The following MCMBP variants were observed in gnomAD, a reference collection of about 807,000 sequenced individuals.
MCMBP encodes the protein mini-chromosome maintenance complex-binding protein.
Under a neutral mutation model 81.3 loss-of-function variants are expected in MCMBP, and 31 were observed. The observed-to-expected ratio is 0.38, with a 90% CI of 0.29 to 0.51. MCMBP has a LOEUF of 0.51. MCMBP is among the 20% of genes least tolerant of loss of function. The pLI is 0.87. For missense variants in MCMBP, 645 were observed against 772.1 expected, an observed-to-expected ratio of 0.84 and a Z score of 1.95; for synonymous variants, 267 against 275.9, an observed-to-expected ratio of 0.97 and a Z score of 0.32.
At chr10:119,867,258 C>A (rs1478942956) in intron 1 of MCMBP, among the ~76,000 whole-genome samples, 1 of 140,006 alleles carries the variant, frequency 7.1e-6, no homozygotes, top group African/African-American at 2.7e-5. Context: ...GCACCACTGC[C>A]CTCCAGCCTG....
chr10:119,847,828 T>G, intron 7 of MCMBP, 115 bp from the exon 8 acceptor site: 1 of 510,234 alleles, frequency 2.0e-6, no homozygotes. Context: ...TTAAAGCAAG[T>G]CCTTTATTTT....
At position 119,842,857 on chromosome 10, in the gene MCMBP, A is replaced by C. The variant is rs533556383; in HGVS notation, c.1001-262T>G. 8.9e-4 allele frequency: 342 copies of C among 383,188 alleles called. 5 individuals are homozygous for C. The highest frequency in any genetic ancestry group is 7.7e-3 in the South Asian group (325 of 42,026). The allele number at this position is 383,188 out of a possible 1,614,324, so 23.7% of individuals were successfully genotyped here. ...TCAGCTCACCGCAACCTCTGCCTCC[A>C]GTTCTCCTGCCTCAGCCTCCCGAGT... On this transcript the variant is annotated intron_variant, in intron 9 of 15. Transcript: ENST00000369077.
chr10:119,834,116 C>A (rs1004402320), intron 14 of MCMBP, among the ~76,000 whole-genome samples: 4 of 152,116 alleles, frequency 2.6e-5, no homozygotes, highest in African/African-American at 4.8e-5. Flanking sequence ...AATGCAACAT[C>A]AGATACACAG....
upstream of MCMBP, chr10:119,872,936 C>T (rs1402683284): frequency 6.6e-6 from 1 of 150,718 alleles, no homozygotes; most frequent in Non-Finnish European, 1.5e-5. Flanking sequence ...CAGCGCGGCT[C>T]TGCGCGGCGA....
At chr10:119,850,684 G>C (rs941204217) in intron 6 of MCMBP, among the ~76,000 whole-genome samples, 3 of 147,314 alleles carry the variant, frequency 2.0e-5, no homozygotes, top group African/African-American at 7.5e-5. Flanking sequence ...AGGAGGCGGA[G>C]CTTGCAGTGA....
chr10:119,872,457 GCGGGGCCCTGCCC>G, intron 1 of MCMBP, 57 bp downstream of exon 1: 2 of 963,422 alleles, frequency 2.1e-6, no homozygotes, highest in African/African-American at 3.5e-5. Flanking sequence ...GGGCCGCGCG[GCGGGGCCCTGCCC>G]CGGGGCCCGG....
intron 1 of MCMBP, among the ~76,000 whole-genome samples, chr10:119,868,704 T>G (rs570403566): frequency 2.8e-4 from 43 of 152,268 alleles, no homozygotes; most frequent in African/African-American, 1.0e-3. Flanking sequence ...ACATATATAA[T>G]AGGATCCTGC....
In MCMBP at chr10:119,829,902, C is replaced by T. The variant is rs1851936236; in HGVS notation, c.*1572G>A. 1 of 152,344 alleles carries T rather than the reference C, an allele frequency of 6.6e-6. No homozygotes were observed. Among genetic ancestry groups the T allele is most frequent in the Non-Finnish European group, 1.5e-5 (1 of 68,008 alleles). 9.4% of individuals were successfully genotyped at this position (152,344 alleles called of 1,614,324 possible). A position where few individuals can be genotyped will look rare whatever the true frequency, so the allele number is the denominator to read the frequency against. On this transcript the variant is annotated 3_prime_UTR_variant, in exon 16 of 16. Transcript: ENST00000369077. ...TGGTAAATTACAATTTACATTGGCA[C>T]AAAAAACACATGGTGACTAATGTAC...
rs1469017790 is a variant in MCMBP, at chr10:119,859,809, G to C, written c.134C>G (p.Ala45Gly). The C allele has an allele frequency of 6.2e-7, 1 of 1,611,556 alleles. No homozygotes were observed. The highest frequency in any genetic ancestry group is 8.5e-7 in the Non-Finnish European group (1 of 1,178,078). Residue 45 changes from alanine (A) to glycine (G), a missense_variant, in exon 2 of 16, where the codon GCT (alanine) becomes GGT (glycine). Physicochemically the swap from Ala to Gly is moderately conservative, Grantham distance 60. Coordinates refer to ENST00000369077, the MANE Select transcript of MCMBP (RefSeq NM_001256378.2). Reference protein sequence around the residue: ...YFKEKLKENNAPKWVPSLNEV... With the variant: ...YFKEKLKENNGPKWVPSLNEV... ...TAGCAATAAGCTTACCCACTTAGGA[G>C]CATTATTTTCCTTCAGCTTTTCCTT...
At chr10:119,872,984 G>A (rs1190375300), upstream of MCMBP, 1 of 151,916 alleles carries the variant, frequency 6.6e-6, no homozygotes, top group Non-Finnish European at 1.5e-5. Context: ...TCTTGGAGAC[G>A]GGCAAAAGGA....
chr10:119,840,074 A>AG (rs1852383305), intron 11 of MCMBP, among the ~76,000 whole-genome samples: 1 of 152,172 alleles, frequency 6.6e-6, no homozygotes, highest in Non-Finnish European at 1.5e-5. Flanking sequence ...GTAATTTTTT[A>AG]TTTTTAATAG....
chr10:119,855,987 G>A (rs1410002409), intron 5 of MCMBP, among the ~76,000 whole-genome samples: 3 of 152,130 alleles, frequency 2.0e-5, no homozygotes, highest in Non-Finnish European at 2.9e-5. Flanking sequence ...CACTTTGAGA[G>A]GCCGAGGCAG....
intron 1 of MCMBP, 103 bp from the exon 2 acceptor site, chr10:119,859,987 TAAA>T: frequency 1.3e-6 from 1 of 762,206 alleles, no homozygotes; most frequent in Admixed American, 2.7e-5. Flanking sequence ...AAAAACAAAC[TAAA>T]ATTAGCTACT....
Position 119,831,483 on chromosome 10 carries a change from A to G in MCMBP, c.1914T>C (p.Asn638=), listed in dbSNP as rs531600494. 6 of 1,613,900 alleles carry G rather than the reference A, an allele frequency of 3.7e-6. No homozygotes were observed. In the East Asian group the frequency reaches 8.9e-5, roughly 24 times the overall value. ...CATAGGTATTACATCTTTAAAGTTC[A>G]TTTCCATTCACACATTTTTGCTGCT... ...RLQQQKCVNG[N]EL The change falls in exon 16 of 16, where the codon AAT becomes AAC. Residue 638 remains asparagine, a synonymous_variant. Transcript: ENST00000369077.
chr10:119,835,323 C>CTAAGAAAATAACTT (rs1419926602), intron 14 of MCMBP, among the ~76,000 whole-genome samples: 2 of 152,020 alleles, frequency 1.3e-5, no homozygotes, highest in Non-Finnish European at 2.9e-5. Flanking sequence ...AAGACAACTA[C>CTAAGAAAATAACTT]TAAGAAAATA....
chr10:119,850,893 G>A (rs931208999), intron 6 of MCMBP, among the ~76,000 whole-genome samples: 1 of 45,668 alleles, frequency 2.2e-5, no homozygotes, highest in Non-Finnish European at 4.2e-5. Flanking sequence ...TTTTTTTTTT[G>A]AGACAGAGTC....
At chr10:119,842,677 G>A in intron 9 of MCMBP, 82 bp from the exon 10 acceptor site, 1 of 1,471,438 alleles carries the variant, frequency 6.8e-7, no homozygotes, top group African/African-American at 1.4e-5. Context: ...AACTACGTGA[G>A]CAAAGCACAA....
At chr10:119,869,005 T>A (rs545626748) in intron 1 of MCMBP, among the ~76,000 whole-genome samples, 6 of 152,092 alleles carry the variant, frequency 3.9e-5, no homozygotes, top group Non-Finnish European at 8.8e-5. Context: ...GATCAGATAG[T>A]AAGGGTAACA....
chr10:119,838,444 T>C (rs758897192), intron 12 of MCMBP, 91 bp downstream of exon 12: 53 of 1,238,528 alleles, frequency 4.3e-5, no homozygotes, highest in Non-Finnish European at 5.7e-5. Flanking sequence ...AAATGTGAAT[T>C]TGTCCATAGA....
Sources: gnomAD v4.1 joint callset for allele counts (sites outside exome capture counted in the v4.1 genomes callset) on GRCh38, gnomAD v4.1.1 for gene constraint, MANE v1.5 for transcripts, NCBI Gene and HGNC (gene_info 2026-07-23, HGNC 2026-07-21) for gene names.